NR4A3: variants seen among roughly 807,000 people sequenced by gnomAD.
The protein encoded by NR4A3 is nuclear receptor subfamily 4 group A member 3.
NR4A3 carries 13 observed loss-of-function variants against 55.6 expected under a neutral mutation model. That is an observed-to-expected ratio of 0.23 (90% CI 0.15 to 0.37). The LOEUF is 0.37. Ranked by LOEUF, NR4A3 falls within the 10% of genes least tolerant of loss-of-function variation. NR4A3 has a pLI of 1.00. For missense variants in NR4A3, 646 were observed against 822.8 expected (o/e 0.79, Z 2.63); for synonymous variants, 342 against 357.9 (o/e 0.96, Z 0.50).
chr9:99,828,927 C>T lies in NR4A3; in HGVS notation c.885C>T (p.Cys295=), dbSNP rs774064773. The T allele has an allele frequency of 6.2e-6, 9 of 1,453,678 alleles. No individual in the cohort carries two copies. Among genetic ancestry groups the T allele is most frequent in the East Asian group, 5.5e-5 (2 of 36,520 alleles). 90.0% of individuals were successfully genotyped at this position (1,453,678 alleles called of 1,614,324 possible). A position where few individuals can be genotyped will look rare whatever the true frequency, so the allele number is the denominator to read the frequency against. The change falls in exon 3 of 8, where the codon TGC becomes TGT. Residue 295 remains cysteine (C), a synonymous_variant. Coordinates refer to ENST00000395097, the MANE Select transcript of NR4A3 (RefSeq NM_006981.4). This position sits in a 1 kb window ranked among gnomAD's most constrained non-coding sequence, Gnocchi z 7.7. ...CTGGCGAGGGCACGTGTGCCGTGTG[C>T]GGGGACAACGCCGCCTGCCAGCACT... ...SSSGEGTCAV[C]GDNAACQHYG...
intron 5 of NR4A3, among the ~76,000 whole-genome samples, 180 bp from the exon 6 acceptor site, chr9:99,844,469 T>C (rs1362643069): frequency 6.6e-6 from 1 of 152,252 alleles, no homozygotes; most frequent in Non-Finnish European, 1.5e-5. Flanking sequence ...ATTTGCTGTA[T>C]TTGTATCACA....
At chr9:99,829,245 C>T (rs2118523809) in intron 3 of NR4A3, among the ~76,000 whole-genome samples, 1 of 152,312 alleles carries the variant, frequency 6.6e-6, no homozygotes, top group South Asian at 2.1e-4. Flanking sequence ...GCCCTATGAA[C>T]ATTTTTCTGG....
intron 7 of NR4A3, among the ~76,000 whole-genome samples, chr9:99,859,143 A>G (rs1827971786): frequency 6.6e-6 from 1 of 152,278 alleles, no homozygotes; most frequent in Non-Finnish European, 1.5e-5. Context: ...TCAAAATGCA[A>G]GAAATATTAA....
intron 4 of NR4A3, 118 bp from the exon 5 acceptor site, chr9:99,833,164 A>C (rs1367649690): frequency 6.2e-6 from 8 of 1,293,896 alleles, no homozygotes; most frequent in Non-Finnish European, 8.4e-6. Context: ...ACCACTTTTA[A>C]ATGGTTGGTC....
At chr9:99,858,070 C>T (rs1365322502) in intron 7 of NR4A3, among the ~76,000 whole-genome samples, 2 of 152,038 alleles carry the variant, frequency 1.3e-5, no homozygotes, top group African/African-American at 4.8e-5. Flanking sequence ...CAGTTCATGC[C>T]CCCATGGTGC....
chr9:99,847,669 T>G, intron 7 of NR4A3, 54 bp downstream of exon 7: 1 of 1,552,530 alleles, frequency 6.4e-7, no homozygotes, highest in Non-Finnish European at 8.8e-7. Context: ...CCCTTTGTTA[T>G]GGTGGAATCT....
chr9:99,856,510 G>A (rs563445847), intron 7 of NR4A3, among the ~76,000 whole-genome samples: 3 of 152,256 alleles, frequency 2.0e-5, no homozygotes, highest in African/African-American at 7.2e-5. Flanking sequence ...ACAGGCCATG[G>A]ACCAATACCA....
intron 6 of NR4A3, 149 bp from the exon 7 acceptor site, chr9:99,847,288 T>C: frequency 1.4e-6 from 1 of 693,006 alleles, no homozygotes. Context: ...CATAGTCTTA[T>C]TCATTGTGGG....
chr9:99,829,693 C>A (rs924567863), intron 3 of NR4A3, among the ~76,000 whole-genome samples: 6 of 152,048 alleles, frequency 3.9e-5, no homozygotes, highest in African/African-American at 1.2e-4. Flanking sequence ...CTGCCTCTTT[C>A]CATAGAAGAT....
chr9:99,846,646 TTTTTG>T (rs1267245875), intron 6 of NR4A3, among the ~76,000 whole-genome samples: 4 of 152,130 alleles, frequency 2.6e-5, no homozygotes, highest in African/African-American at 4.8e-5. Context: ...AGGGACTTGA[TTTTTG>T]TTTTGTTTTG....
At chr9:99,852,804 A>G (rs1827872530) in intron 7 of NR4A3, among the ~76,000 whole-genome samples, 1 of 152,210 alleles carries the variant, frequency 6.6e-6, no homozygotes, top group Non-Finnish European at 1.5e-5. Context: ...ACAGTGACAC[A>G]GCAGGACTAG....
Position 99,863,929 on chromosome 9 carries a change from G to A in NR4A3, c.*62G>A, listed in dbSNP as rs979165335. 2.4e-4 allele frequency: 365 copies of A among 1,539,322 alleles called. 2 individuals are homozygous for A. In the African/African-American group the frequency reaches 4.3e-3, roughly 18 times the overall value. The stretch of plus-strand genomic sequence containing the variant: ...AGCACCTGCTTGCTACGCAGCAAAG[G>A]GATAGGTTTGGAAACCTATCATTTC... On this transcript the variant is annotated 3_prime_UTR_variant, in exon 8 of 8. Transcript: ENST00000395097.
intron 7 of NR4A3, among the ~76,000 whole-genome samples, chr9:99,856,469 G>A (rs183068963): frequency 4.1e-4 from 62 of 152,256 alleles, no homozygotes; most frequent in African/African-American, 1.5e-3. Flanking sequence ...CTTGCCTGCC[G>A]CTCACCTCCT....
chr9:99,842,912 C>A (rs1335791849), intron 5 of NR4A3, among the ~76,000 whole-genome samples: 1 of 152,208 alleles, frequency 6.6e-6, no homozygotes, highest in Non-Finnish European at 1.5e-5. Context: ...AGATTAAAAT[C>A]CCTACCCATG....
chr9:99,839,844 TTTTC>T (rs1451447333), intron 5 of NR4A3, among the ~76,000 whole-genome samples: 1 of 152,196 alleles, frequency 6.6e-6, no homozygotes, highest in Non-Finnish European at 1.5e-5. Flanking sequence ...TATTTCTAGA[TTTTC>T]TTTGTCAAAC....
At position 99,828,110 on chromosome 9, in the gene NR4A3, G is replaced by C. The variant is rs1463290950; in HGVS notation, c.68G>C (p.Ser23Thr). 14 of 1,613,928 alleles carry C rather than the reference G, an allele frequency of 8.7e-6. No individual in the cohort carries two copies. Among genetic ancestry groups the C allele is most frequent in the Non-Finnish European group, 1.2e-5 (14 of 1,180,020 alleles). ...TCCAGTTATGCGGCGCAGACATACA[G>C]CTCGGAATACACCACGGAGATCATG... ...PGSSYAAQTY[S>T]SEYTTEIMNP... is the part of the protein sequence containing the mutation. The change falls in exon 3 of 8, where the codon AGC (serine) becomes ACC (threonine). Residue 23 changes from serine to threonine, a missense_variant. Transcript: ENST00000395097. The surrounding 1 kb of genome is among the most constrained non-coding windows in gnomAD (Gnocchi z 7.7).
chr9:99,829,128 C>G, intron 3 of NR4A3, 135 bp downstream of exon 3: 1 of 1,059,328 alleles, frequency 9.4e-7, no homozygotes, highest in Non-Finnish European at 1.2e-6. Context: ...TACAGCCCTT[C>G]CTAGCACCTT....
chr9:99,860,616 C>T (rs963736057), intron 7 of NR4A3, among the ~76,000 whole-genome samples: 3 of 152,188 alleles, frequency 2.0e-5, no homozygotes, highest in Non-Finnish European at 2.9e-5. Flanking sequence ...TCTTAAAATT[C>T]ACAACAGTCT....
rs1214721606 is a variant in NR4A3 at position 99,828,918 on chromosome 9, T to C, written c.876T>C (p.Cys292=). Residue 292 remains cysteine, a synonymous_variant, in exon 3 of 8, where the codon TGT becomes TGC. Transcript: ENST00000395097. This position sits in a 1 kb window ranked among gnomAD's most constrained non-coding sequence, Gnocchi z 7.7. ...GCTCGTCGTCTGGCGAGGGCACGTGTGCCGTGTGCGGGGACAACGCCGCCT... is the reference window on the plus strand; with the variant it reads ...GCTCGTCGTCTGGCGAGGGCACGTGCGCCGTGTGCGGGGACAACGCCGCCT... ...SRSSSSGEGT[C]AVCGDNAACQ... is the part of the protein sequence containing the mutation. 1 of 1,477,594 alleles carries C rather than the reference T, an allele frequency of 6.8e-7. No homozygotes were observed. The highest frequency in any genetic ancestry group is 1.3e-5 in the South Asian group (1 of 76,534). 91.5% of individuals were successfully genotyped at this position (1,477,594 alleles called of 1,614,324 possible).
Sources: gnomAD v4.1 joint callset for allele counts (sites outside exome capture counted in the v4.1 genomes callset) on GRCh38, gnomAD v4.1.1 for gene constraint, Gnocchi (gnomAD v3.1) non-coding constraint, MANE v1.5 for transcripts, NCBI Gene and HGNC (gene_info 2026-07-23, HGNC 2026-07-21) for gene names.